VAC14: variants seen among roughly 807,000 people sequenced by gnomAD.
The protein encoded by VAC14 is protein VAC14 homolog.
Under a neutral mutation model 85.3 loss-of-function variants are expected in VAC14, and 47 were observed. The ratio of observed to expected loss-of-function variants is 0.55; its 90% CI spans 0.44 to 0.70. VAC14 has a LOEUF of 0.70. Among genes scored for constraint, VAC14 ranks in the 30% least tolerant of loss-of-function variants. The probability of loss-of-function intolerance (pLI) is 0.00; values close to 1 mark genes in which losing one functional copy is unlikely to be tolerated. For synonymous variants in VAC14, 447 were observed against 430.5 expected (o/e 1.04, Z -0.47); for missense variants, 861 against 1,004.3 (o/e 0.86, Z 1.93).
chr16:70,795,977 C>A (rs547328530), intron 1 of VAC14, among the ~76,000 whole-genome samples: 1 of 152,182 alleles, frequency 6.6e-6, no homozygotes, highest in East Asian at 1.9e-4. Flanking sequence ...ATTTCTCCCC[C>A]ACATTAGACT....
At chr16:70,789,585 A>C (rs1256570486) in intron 1 of VAC14, among the ~76,000 whole-genome samples, 3 of 152,248 alleles carry the variant, frequency 2.0e-5, no homozygotes, top group Non-Finnish European at 2.9e-5. Context: ...GCAGCAGCAG[A>C]CCTTTAGTTT....
At chr16:70,795,903 G>A (rs936626715) in intron 1 of VAC14, among the ~76,000 whole-genome samples, 2 of 152,128 alleles carry the variant, frequency 1.3e-5, no homozygotes, top group Admixed American at 1.3e-4. Flanking sequence ...AGACAGTGGG[G>A]GCCCTGCCTC....
Position 70,783,432 on chromosome 16 carries a change from T to A in VAC14, c.704+13A>T. 1 of 1,613,488 alleles carries A rather than the reference T, an allele frequency of 6.2e-7. No individual in the cohort carries two copies. The highest frequency in any genetic ancestry group is 8.5e-7 in the Non-Finnish European group (1 of 1,179,690). On this transcript the variant is annotated intron_variant, in intron 6 of 18. Coordinates refer to ENST00000261776, the MANE Select transcript of VAC14 (RefSeq NM_018052.5). ...GCAGGAGGCAGCAGCTTCCTGCCCC[T>A]TACTCCACTCACATTTTGCGAATCT... is the stretch of plus-strand genomic sequence containing the variant.
At chr16:70,697,507 TG>T (rs1485280559) in intron 15 of VAC14, among the ~76,000 whole-genome samples, 4 of 151,896 alleles carry the variant, frequency 2.6e-5, no homozygotes, top group Non-Finnish European at 5.9e-5. Flanking sequence ...TGGCTGGGAG[TG>T]GCTGTCCTTT....
At chr16:70,718,490 C>T (rs1297317364) in intron 14 of VAC14, among the ~76,000 whole-genome samples, 1 of 151,630 alleles carries the variant, frequency 6.6e-6, no homozygotes. Flanking sequence ...GGGAGAATGG[C>T]ATGAACCCAG....
intron 13 of VAC14, among the ~76,000 whole-genome samples, chr16:70,739,706 G>GTT (rs1299500320): frequency 1.3e-5 from 2 of 152,248 alleles, no homozygotes; most frequent in African/African-American, 4.8e-5. Context: ...AGGGCCTAAC[G>GTT]TGACCTCAGC....
chr16:70,765,652 C>T (rs2032750274), intron 10 of VAC14, among the ~76,000 whole-genome samples: 1 of 152,144 alleles, frequency 6.6e-6, no homozygotes, highest in Admixed American at 6.5e-5. Context: ...TCTCACCCGC[C>T]ACACGGCACA....
intron 14 of VAC14, among the ~76,000 whole-genome samples, chr16:70,707,469 T>A (rs2053942858): frequency 1.3e-5 from 2 of 152,078 alleles, no homozygotes; most frequent in South Asian, 4.2e-4. Context: ...CATCTGTCCC[T>A]CTGTGCAAGA....
intron 13 of VAC14, among the ~76,000 whole-genome samples, chr16:70,742,553 G>A (rs754386621): frequency 5.3e-5 from 8 of 152,206 alleles, no homozygotes; most frequent in African/African-American, 1.4e-4. Context: ...TCAGGATGTG[G>A]GAACCACTTC....
At chr16:70,715,166 T>C (rs9935596) in intron 14 of VAC14, 91,692 of 152,168 alleles carry the variant, frequency 0.6, 28,708 homozygotes, top group Non-Finnish European at 0.68. Context: ...TGGGGACTGG[T>C]CTCTGGGCTT....
intron 1 of VAC14, among the ~76,000 whole-genome samples, chr16:70,793,661 T>C (rs995371894): frequency 1.3e-5 from 2 of 152,190 alleles, no homozygotes; most frequent in African/African-American, 4.8e-5. Flanking sequence ...TGGCAGAGGT[T>C]TTAGCCACTG....
chr16:70,783,397 G>C, intron 6 of VAC14, 48 bp downstream of exon 6: 1 of 1,584,600 alleles, frequency 6.3e-7, no homozygotes, highest in Non-Finnish European at 8.7e-7. Flanking sequence ...CATGGGCACA[G>C]CTGGGGGTGG....
chr16:70,731,778 A>G, intron 13 of VAC14, 151 bp from the exon 14 acceptor site: 1 of 895,288 alleles, frequency 1.1e-6, no homozygotes. Flanking sequence ...ATCAAGAGCC[A>G]TGGAGCAACA....
intron 1 of VAC14, among the ~76,000 whole-genome samples, chr16:70,787,218 G>C (rs923141924): frequency 2.0e-5 from 3 of 152,204 alleles, no homozygotes; most frequent in Non-Finnish European, 4.4e-5. Flanking sequence ...ACTGATGCCG[G>C]GGACGTTCAG....
intron 9 of VAC14, among the ~76,000 whole-genome samples, chr16:70,773,627 C>T (rs900120250): frequency 1.3e-5 from 2 of 152,130 alleles, no homozygotes; most frequent in Non-Finnish European, 1.5e-5. Context: ...TTCCAGACTC[C>T]TGATACTAAT....
intron 1 of VAC14, among the ~76,000 whole-genome samples, chr16:70,790,314 AG>A (rs1458137096): frequency 6.6e-6 from 1 of 151,898 alleles, no homozygotes; most frequent in African/African-American, 2.4e-5. Flanking sequence ...AAAGGCTCAG[AG>A]GAAGGAGGAG....
intron 1 of VAC14, among the ~76,000 whole-genome samples, chr16:70,795,856 T>G (rs1285908232): frequency 6.6e-6 from 1 of 152,176 alleles, no homozygotes; most frequent in African/African-American, 2.4e-5. Context: ...ACTAGAGACT[T>G]GACCATGAGT....
At chr16:70,786,496 A>C in intron 1 of VAC14, 131 bp from the exon 2 acceptor site, 1 of 1,242,318 alleles carries the variant, frequency 8.0e-7, no homozygotes. Flanking sequence ...GTCTCAGGGC[A>C]GGTCTCAGTT....
intron 1 of VAC14, among the ~76,000 whole-genome samples, chr16:70,795,600 C>G (rs1177764414): frequency 6.6e-6 from 1 of 152,144 alleles, no homozygotes; most frequent in Admixed American, 6.5e-5. Flanking sequence ...TCAACCTTCA[C>G]CTGTTCAACT....
Sources: allele counts gnomAD v4.1 joint callset (sites outside exome capture counted in the v4.1 genomes callset), GRCh38; gene constraint gnomAD v4.1.1; transcripts MANE v1.5; gene names NCBI Gene and HGNC (gene_info 2026-07-23, HGNC 2026-07-21).